Variants in MMS22L observed in about 807,000 individuals in gnomAD.
MMS22L encodes the protein protein MMS22-like.
In MMS22L, 74 loss-of-function variants were observed where a neutral mutation model predicts 159.1. The ratio of observed to expected loss-of-function variants is 0.47; its 90% CI spans 0.39 to 0.56. MMS22L has a LOEUF of 0.56. Among genes scored for constraint, MMS22L ranks in the 20% least tolerant of loss-of-function variants. MMS22L has a pLI of 0.00. For synonymous variants in MMS22L, 517 were observed against 506.9 expected (o/e 1.02, Z -0.27); for missense variants, 1,351 against 1,422.1 (o/e 0.95, Z 0.80).
chr6:97,187,416 T>C (rs1371768185), intron 14 of MMS22L, among the ~76,000 whole-genome samples: 1 of 152,160 alleles, frequency 6.6e-6, no homozygotes, highest in East Asian at 1.9e-4. Flanking sequence ...AAATAAGAGA[T>C]CTTCTTAGTG....
chr6:97,269,887 A>G lies in MMS22L; in HGVS notation c.697+15T>C. 6.3e-7 allele frequency: 1 copy of G among 1,576,502 alleles called. No homozygotes were observed. Among genetic ancestry groups the G allele is most frequent in the Non-Finnish European group, 8.7e-7 (1 of 1,151,638 alleles). ...GATTTTAAAAAGAATATAAATCATA[A>G]ATCCATAAACTTACTCAATTTTTCA... On this transcript the variant is annotated intron_variant, in intron 7 of 24. Coordinates refer to ENST00000683635, the MANE Select transcript of MMS22L (RefSeq NM_001350599.2).
intron 22 of MMS22L, 62 bp downstream of exon 22, chr6:97,161,940 G>GA: frequency 6.7e-7 from 1 of 1,490,682 alleles, no homozygotes; most frequent in Non-Finnish European, 9.2e-7. Flanking sequence ...AAATTGAGGG[G>GA]AAACAGTAGT....
At chr6:97,216,133 TG>T (rs1054760202) in intron 14 of MMS22L, among the ~76,000 whole-genome samples, 3 of 152,180 alleles carry the variant, frequency 2.0e-5, no homozygotes, top group African/African-American at 7.2e-5. Context: ...AACAATATGG[TG>T]GCAACAGTAA....
At chr6:97,195,947 T>A (rs1806450669) in intron 14 of MMS22L, among the ~76,000 whole-genome samples, 1 of 152,134 alleles carries the variant, frequency 6.6e-6, no homozygotes, top group South Asian at 2.1e-4. Flanking sequence ...TTGCCAAATT[T>A]TGGGGGAGAA....
At chr6:97,175,441 G>A (rs1804018781) in intron 18 of MMS22L, among the ~76,000 whole-genome samples, 1 of 152,170 alleles carries the variant, frequency 6.6e-6, no homozygotes, top group South Asian at 2.1e-4. Flanking sequence ...AACTTGACAA[G>A]TGGTATTTCC....
In MMS22L at chr6:97,262,321, G is replaced by A. The variant is rs532734107; in HGVS notation, c.942+1014C>T. ...ATAATTCAAAATAAATACAGTACTTGCAAACCTACAAAAATAGAGTTGTTA... is the reference window on the plus strand; with the variant it reads ...ATAATTCAAAATAAATACAGTACTTACAAACCTACAAAAATAGAGTTGTTA... On this transcript the variant is annotated intron_variant, in intron 9 of 24. Transcript: ENST00000683635. 1.1e-4 allele frequency among the ~76,000 whole-genome samples: 17 copies of A among 152,090 alleles called. No homozygotes were observed. The East Asian group carries it at 3.1e-3, about 28-fold the overall frequency.
chr6:97,268,498 T>C (rs1174147958), intron 7 of MMS22L, among the ~76,000 whole-genome samples: 1 of 152,142 alleles, frequency 6.6e-6, no homozygotes, highest in Non-Finnish European at 1.5e-5. Context: ...CAAAAGTTTC[T>C]AATTCTTCCA....
chr6:97,208,349 TA>T (rs1200022001), intron 14 of MMS22L, among the ~76,000 whole-genome samples: 2 of 152,136 alleles, frequency 1.3e-5, no homozygotes, highest in Non-Finnish European at 2.9e-5. Context: ...ACCATCTATA[TA>T]ATCACCATTC....
intron 17 of MMS22L, 35 bp from the exon 18 acceptor site, chr6:97,178,620 T>G: frequency 2.6e-6 from 3 of 1,136,782 alleles, no homozygotes; most frequent in Non-Finnish European, 3.7e-6. Context: ...TATATCAATT[T>G]ATATAACATA....
intron 21 of MMS22L, among the ~76,000 whole-genome samples, 158 bp from the exon 22 acceptor site, chr6:97,162,323 T>C (rs748601286): frequency 3.3e-5 from 5 of 152,078 alleles, no homozygotes; most frequent in Non-Finnish European, 5.9e-5. Flanking sequence ...TCTTCAAACA[T>C]AGGATTTTAG....
At chr6:97,272,948 G>C (rs1454846391) in intron 5 of MMS22L, 27 bp downstream of exon 5, 21 of 1,606,086 alleles carry the variant, frequency 1.3e-5, no homozygotes, top group Non-Finnish European at 1.7e-5. Context: ...TTCATGCAGT[G>C]ATCAAAATAC....
intron 18 of MMS22L, among the ~76,000 whole-genome samples, chr6:97,174,277 TAAAAAG>T (rs1422799461): frequency 6.8e-6 from 1 of 147,910 alleles, no homozygotes; most frequent in Non-Finnish European, 1.5e-5. Flanking sequence ...AAAAAAAAAA[TAAAAAG>T]AAAGTTTAAG....
At chr6:97,168,928 C>T (rs1163594911) in intron 19 of MMS22L, among the ~76,000 whole-genome samples, 1 of 152,054 alleles carries the variant, frequency 6.6e-6, no homozygotes, top group African/African-American at 2.4e-5. Context: ...CTGGGCCTCA[C>T]CATGAAACTC....
chr6:97,250,731 C>T (rs897037610), intron 10 of MMS22L, among the ~76,000 whole-genome samples: 2 of 151,984 alleles, frequency 1.3e-5, no homozygotes, highest in Non-Finnish European at 2.9e-5. Context: ...ACATTTTAAA[C>T]CTATTTAAAA....
At chr6:97,193,654 A>T (rs1362511974) in intron 14 of MMS22L, among the ~76,000 whole-genome samples, 1 of 152,198 alleles carries the variant, frequency 6.6e-6, no homozygotes, top group African/African-American at 2.4e-5. Flanking sequence ...GGCCTCACTA[A>T]AGATCTTTCT....
At chr6:97,258,351 C>T (rs1359531510) in intron 9 of MMS22L, among the ~76,000 whole-genome samples, 1 of 152,136 alleles carries the variant, frequency 6.6e-6, no homozygotes, top group Non-Finnish European at 1.5e-5. Flanking sequence ...ACTTTCCATG[C>T]TTCATCCTGT....
intron 2 of MMS22L, 141 bp from the exon 3 acceptor site, chr6:97,281,503 A>G (rs1382618060): frequency 3.2e-6 from 2 of 622,562 alleles, no homozygotes; most frequent in Non-Finnish European, 5.4e-6. Context: ...TTACACATTC[A>G]AGATTACAAT....
chr6:97,152,541 C>T (rs1348147379), intron 22 of MMS22L, among the ~76,000 whole-genome samples: 1 of 151,916 alleles, frequency 6.6e-6, no homozygotes, highest in African/African-American at 2.4e-5. Context: ...GTTTTTGACA[C>T]ATTAAATATA....
intron 11 of MMS22L, among the ~76,000 whole-genome samples, chr6:97,246,427 A>G (rs1229960108): frequency 6.6e-6 from 1 of 152,228 alleles, no homozygotes; most frequent in African/African-American, 2.4e-5. Context: ...CAACTAGGAT[A>G]TTATTGTCCT....
Sources: allele counts gnomAD v4.1 joint callset (sites outside exome capture counted in the v4.1 genomes callset), GRCh38; gene constraint gnomAD v4.1.1; transcripts MANE v1.5; gene names NCBI Gene and HGNC (gene_info 2026-07-23, HGNC 2026-07-21).